FILIP1: variants seen among roughly 807,000 people sequenced by gnomAD.
FILIP1 encodes filamin-A-interacting protein 1.
FILIP1 carries 61 observed loss-of-function variants against 102.1 expected under a neutral mutation model. The ratio of observed to expected loss-of-function variants is 0.60; its 90% CI spans 0.49 to 0.74. The LOEUF (loss-of-function observed/expected upper bound fraction) is 0.74, where lower values mean the gene tolerates loss of function less well. Ranked by LOEUF, FILIP1 falls within the 30% of genes least tolerant of loss-of-function variation. The pLI, the probability that FILIP1 is intolerant of heterozygous loss-of-function variation, is 0.00. For missense variants in FILIP1, 1,314 were observed against 1,441.2 expected, an observed-to-expected ratio of 0.91 and a Z score of 1.43; for synonymous variants, 491 against 526.9, an observed-to-expected ratio of 0.93 and a Z score of 0.93.
At position 75,372,705 on chromosome 6, in the gene FILIP1, GAA is replaced by G. The variant is rs1350699202; in HGVS notation, c.277-9790_277-9789del. On this transcript the variant is annotated intron_variant, in intron 2 of 5. Transcript: ENST00000237172. The stretch of plus-strand genomic sequence containing the variant: ...AGAAAGAGAAAGAAAGAGAAAGAAA[GAA>G]AGAAAGGAAAGAAAGAGAAAGAGAA... Among the ~76,000 whole-genome samples, 43 of 42,774 alleles carry G rather than the reference GAA, an allele frequency of 1.0e-3. 2 individuals are homozygous for G. Among genetic ancestry groups the G allele is most frequent in the African/African-American group, 5.3e-3 (34 of 6,474 alleles). The allele number at this position is 42,774 out of a possible 152,430, so 28.1% of individuals were successfully genotyped here. A position where few individuals can be genotyped will look rare whatever the true frequency, so the allele number is the denominator to read the frequency against.
intron 4 of FILIP1, among the ~76,000 whole-genome samples, chr6:75,325,830 A>G (rs1773829346): frequency 2.0e-5 from 3 of 152,220 alleles, no homozygotes; most frequent in Admixed American, 6.5e-5. Flanking sequence ...TAGTACAACC[A>G]CTATGGAAAA....
chr6:75,470,238 A>G (rs1007643112), intron 1 of FILIP1, among the ~76,000 whole-genome samples: 2 of 152,210 alleles, frequency 1.3e-5, no homozygotes, highest in Non-Finnish European at 2.9e-5. Flanking sequence ...ACATAAAAAA[A>G]TCAACGACTT....
At chr6:75,465,695 A>G (rs1178363503) in intron 1 of FILIP1, 1 of 221,276 alleles carries the variant, frequency 4.5e-6, no homozygotes, top group East Asian at 9.7e-5. Flanking sequence ...GCTCCCATTC[A>G]AGGACAATTT....
At chr6:75,426,088 T>C (rs1179608239) in intron 1 of FILIP1, among the ~76,000 whole-genome samples, 1 of 151,818 alleles carries the variant, frequency 6.6e-6, no homozygotes, top group Non-Finnish European at 1.5e-5. Flanking sequence ...CATGAATGGG[T>C]GTGGCTGGAG....
intron 2 of FILIP1, among the ~76,000 whole-genome samples, chr6:75,400,283 A>T (rs1339884629): frequency 6.6e-6 from 1 of 152,208 alleles, no homozygotes; most frequent in Non-Finnish European, 1.5e-5. Context: ...TTTATTTAAA[A>T]AAGAAAACCC....
intron 1 of FILIP1, among the ~76,000 whole-genome samples, chr6:75,447,544 C>G (rs1434850175): frequency 6.6e-6 from 1 of 152,038 alleles, no homozygotes; most frequent in Non-Finnish European, 1.5e-5. Flanking sequence ...CCTTACCAAA[C>G]TGAGATGATT....
intron 4 of FILIP1, among the ~76,000 whole-genome samples, chr6:75,340,198 A>G (rs1774375428): frequency 6.6e-6 from 1 of 152,088 alleles, no homozygotes; most frequent in African/African-American, 2.4e-5. Context: ...CCAGCTATGT[A>G]TTTCATAGTT....
At chr6:75,376,488 C>A (rs1401756389) in intron 2 of FILIP1, among the ~76,000 whole-genome samples, 2 of 152,136 alleles carry the variant, frequency 1.3e-5, no homozygotes, top group East Asian at 1.9e-4. Flanking sequence ...AGCTATGTGA[C>A]CTCGGGCCAG....
At chr6:75,475,058 C>A (rs1272290745) in intron 1 of FILIP1, among the ~76,000 whole-genome samples, 1 of 152,124 alleles carries the variant, frequency 6.6e-6, no homozygotes, top group East Asian at 1.9e-4. Flanking sequence ...GCCTGCAGAA[C>A]CATGAGCCAA....
Position 75,493,649 on chromosome 6 carries a change from C to T in FILIP1, c.-242G>A, listed in dbSNP as rs995235499. On this transcript the variant is annotated 5_prime_UTR_variant, in exon 1 of 6. Transcript: ENST00000237172. ...GAAAGCAGCTTCTTCTCCCTGAAAT[C>T]CCGATCAGCAGAAATTGGAAGTTGT... The T allele has an allele frequency of 6.6e-6, 1 of 152,188 alleles. No homozygotes were observed. The allele number at this position is 152,188 out of a possible 1,614,324, so 9.4% of individuals were successfully genotyped here.
At position 75,465,233 on chromosome 6, in the gene FILIP1, C is replaced by A. The variant is rs562598918; in HGVS notation, c.-7+28181G>T. On this transcript the variant is annotated intron_variant, in intron 1 of 5. Transcript: ENST00000237172. The stretch of plus-strand genomic sequence containing the variant: ...GAGCAGGAGATGGCACAGTTAACTG[C>A]GGTCTAGAAGATGATGAAGACATGA... 9 of 224,142 alleles carry A rather than the reference C, an allele frequency of 4.0e-5. No homozygotes were observed. In the South Asian group the frequency reaches 5.4e-4, roughly 13 times the overall value. 13.9% of individuals were successfully genotyped at this position (224,142 alleles called of 1,614,324 possible).
At chr6:75,427,111 C>T (rs766760031) in intron 1 of FILIP1, among the ~76,000 whole-genome samples, 8 of 151,922 alleles carry the variant, frequency 5.3e-5, no homozygotes, top group South Asian at 2.1e-4. Flanking sequence ...AAAGGAAAGA[C>T]GATAATGGAA....
Position 75,313,713 on chromosome 6 carries a change from T to TCC in FILIP1, c.2118_2119insGG (p.Arg707GlyfsTer15), listed in dbSNP as rs1773305198. ...GCTTCTTCCAACCGAAATCTGTGTCTCAGTTCAGCTTCCTGGCTCACAACC... is the reference window on the plus strand; with the variant it reads ...GCTTCTTCCAACCGAAATCTGTGTCTCCCAGTTCAGCTTCCTGGCTCACAACC... On this transcript the variant is annotated frameshift_variant, in exon 5 of 6. Coordinates refer to ENST00000237172, the MANE Select transcript of FILIP1 (RefSeq NM_015687.5). LOFTEE classifies it high-confidence loss of function. This position sits in a 1 kb window ranked among gnomAD's most constrained non-coding sequence, Gnocchi z 4.2. 2.6e-6 allele frequency: 4 copies of TCC among 1,563,968 alleles called. No homozygotes were observed. Among genetic ancestry groups the TCC allele is most frequent in the Non-Finnish European group, 3.4e-6 (4 of 1,160,502 alleles).
chr6:75,429,182 C>A (rs1005747513), intron 1 of FILIP1, among the ~76,000 whole-genome samples: 1 of 152,084 alleles, frequency 6.6e-6, no homozygotes, highest in South Asian at 2.1e-4. Context: ...TTTTAGTTCT[C>A]AGGGGTTTCA....
At chr6:75,323,659 C>G (rs1356496225) in intron 4 of FILIP1, among the ~76,000 whole-genome samples, 1 of 152,082 alleles carries the variant, frequency 6.6e-6, no homozygotes, top group Non-Finnish European at 1.5e-5. Context: ...CTTCAAGAGG[C>G]TCTTAAAAGC....
rs141786046 is a variant in FILIP1, at chr6:75,313,792, T to C, written c.2040A>G (p.Gln680=). The C allele has an allele frequency of 5.4e-5, 87 of 1,608,724 alleles. No individual in the cohort carries two copies. The African/African-American group carries it at 9.4e-4, about 17-fold the overall frequency. Reference sequence around the variant, plus strand: ...CAATTTGGTGCTTGATCTCCTCTAGTTGTTGAGAGAGGAAGTTAGCCTTAT... The same window carrying C: ...CAATTTGGTGCTTGATCTCCTCTAGCTGTTGAGAGAGGAAGTTAGCCTTAT... ...EQDKANFLSQ[Q]LEEIKHQIAK... The change falls in exon 5 of 6, where the codon CAA becomes CAG. Residue 680 remains glutamine (Q), a synonymous_variant. Coordinates refer to ENST00000237172, the MANE Select transcript of FILIP1 (RefSeq NM_015687.5). This position sits in a 1 kb window ranked among gnomAD's most constrained non-coding sequence, Gnocchi z 4.2.
chr6:75,386,149 T>A (rs757321022), intron 2 of FILIP1: 1 of 152,204 alleles, frequency 6.6e-6, no homozygotes, highest in Non-Finnish European at 1.5e-5. Context: ...GACAATGATA[T>A]GCATTGACCT....
At chr6:75,395,740 C>G (rs192369930) in intron 2 of FILIP1, among the ~76,000 whole-genome samples, 5 of 152,288 alleles carry the variant, frequency 3.3e-5, no homozygotes, top group Admixed American at 3.3e-4. Context: ...TACAATAAGA[C>G]TCTACCTTGG....
intron 1 of FILIP1, among the ~76,000 whole-genome samples, chr6:75,485,867 G>A (rs1009001215): frequency 1.3e-5 from 2 of 151,788 alleles, no homozygotes; most frequent in Admixed American, 1.3e-4. Flanking sequence ...ACATCATGCT[G>A]CCAGAATAGC....
Sources: gnomAD v4.1 joint callset for allele counts (sites outside exome capture counted in the v4.1 genomes callset) on GRCh38, gnomAD v4.1.1 for gene constraint, Gnocchi (gnomAD v3.1) non-coding constraint, MANE v1.5 for transcripts, NCBI Gene and HGNC (gene_info 2026-07-23, HGNC 2026-07-21) for gene names.